TEX36: variants seen among roughly 807,000 people sequenced by gnomAD.
TEX36 encodes the protein testis expressed 36, also known as testis-expressed protein 36.
Under a neutral mutation model 13.6 loss-of-function variants are expected in TEX36, and 12 were observed. The observed-to-expected ratio is 0.88, with a 90% confidence interval of 0.56 to 1.43. The LOEUF is 1.43. TEX36 is among the 40% of genes most tolerant of loss of function. The probability of loss-of-function intolerance (pLI) is 0.00; values close to 1 mark genes in which losing one functional copy is unlikely to be tolerated. For missense variants in TEX36, 224 were observed against 228.3 expected (o/e 0.98, Z 0.12); for synonymous variants, 93 against 83.0 (o/e 1.12, Z -0.65).
intron 3 of TEX36, among the ~76,000 whole-genome samples, chr10:125,642,290 C>T (rs765503822): frequency 1.6e-4 from 24 of 152,180 alleles, no homozygotes; most frequent in Non-Finnish European, 2.5e-4. Context: ...AGCCATGTAA[C>T]CCGTGTGTCA....
chr10:125,593,267 AC>A (rs1846044505), intron 3 of TEX36, among the ~76,000 whole-genome samples: 1 of 152,246 alleles, frequency 6.6e-6, no homozygotes. Context: ...TGTGCCAGGA[AC>A]CAGGGGCAAA....
intron 3 of TEX36, among the ~76,000 whole-genome samples, chr10:125,595,531 A>T (rs908241353): frequency 6.6e-6 from 1 of 152,132 alleles, no homozygotes; most frequent in African/African-American, 2.4e-5. Flanking sequence ...CCTGCTCAGT[A>T]GCCCCTCCTG....
downstream of TEX36, chr10:125,621,584 T>A: frequency 2.2e-6 from 1 of 455,872 alleles, no homozygotes; most frequent in South Asian, 1.5e-5. Flanking sequence ...AAAATGGAGT[T>A]TTTTAGGGAG....
At chr10:125,614,880 C>T (rs912410795) in intron 3 of TEX36, among the ~76,000 whole-genome samples, 1 of 152,104 alleles carries the variant, frequency 6.6e-6, no homozygotes, top group Non-Finnish European at 1.5e-5. Context: ...GGCAGTATGG[C>T]CATTTTCACG....
downstream of TEX36, among the ~76,000 whole-genome samples, chr10:125,617,587 T>G (rs1161933903): frequency 6.6e-6 from 1 of 152,250 alleles, no homozygotes; most frequent in African/African-American, 2.4e-5. Context: ...TTGAAAATTC[T>G]TTTCTTTAAG....
intron 3 of TEX36, among the ~76,000 whole-genome samples, chr10:125,609,409 A>G (rs934390973): frequency 1.3e-5 from 2 of 152,152 alleles, no homozygotes; most frequent in Non-Finnish European, 2.9e-5. Context: ...GCACAGTTAA[A>G]CTATATTTCC....
chr10:125,647,158 CAT>C (rs904557995), intron 3 of TEX36, among the ~76,000 whole-genome samples: 18 of 152,152 alleles, frequency 1.2e-4, no homozygotes, highest in African/African-American at 4.1e-4. Context: ...TATAGAAAAA[CAT>C]AAAATTATCT....
At chr10:125,577,005 A>G (rs1010837155) in intron 3 of TEX36, 1 of 1,212,452 alleles carries the variant, frequency 8.2e-7, no homozygotes, top group East Asian at 2.6e-5. Context: ...AGAAGGATTT[A>G]GTGAGACTTA....
chr10:125,662,633 GC>G (rs1395288849), intron 1 of TEX36, among the ~76,000 whole-genome samples: 2 of 152,186 alleles, frequency 1.3e-5, no homozygotes, highest in Non-Finnish European at 2.9e-5. Context: ...CCCAACAAGG[GC>G]CTCTGTTGAC....
intron 3 of TEX36, among the ~76,000 whole-genome samples, chr10:125,594,588 A>T (rs545989181): frequency 6.6e-6 from 1 of 152,368 alleles, no homozygotes; most frequent in South Asian, 2.1e-4. Flanking sequence ...TCAAACCTAC[A>T]TTTTTAGAAA....
At chr10:125,583,943 C>A (rs1387470816) in intron 3 of TEX36, among the ~76,000 whole-genome samples, 4 of 152,192 alleles carry the variant, frequency 2.6e-5, no homozygotes, top group Non-Finnish European at 5.9e-5. Context: ...CTCCCCACCA[C>A]CCCCAAATCT....
intron 3 of TEX36, among the ~76,000 whole-genome samples, chr10:125,625,752 T>G (rs996125070): frequency 6.6e-6 from 1 of 152,258 alleles, no homozygotes; most frequent in African/African-American, 2.4e-5. Context: ...GGCGCAGCCC[T>G]GGACTCTTCA....
chr10:125,579,690 A>C (rs187374520), intron 3 of TEX36, among the ~76,000 whole-genome samples: 3 of 152,178 alleles, frequency 2.0e-5, no homozygotes, highest in Non-Finnish European at 4.4e-5. Context: ...TGCTTTTCTC[A>C]TGATAGTGAG....
chr10:125,682,049 C>T (rs1447021498), intron 1 of TEX36, among the ~76,000 whole-genome samples: 1 of 152,160 alleles, frequency 6.6e-6, no homozygotes, highest in African/African-American at 2.4e-5. Flanking sequence ...TAAAAGAAGT[C>T]GACGTCAGGT....
downstream of TEX36, among the ~76,000 whole-genome samples, chr10:125,618,994 G>A (rs1424522235): frequency 6.8e-6 from 1 of 148,060 alleles, no homozygotes; most frequent in African/African-American, 2.6e-5. Context: ...GCCCAGAGTG[G>A]TGTCGGGTGC....
intron 3 of TEX36, among the ~76,000 whole-genome samples, chr10:125,615,778 C>G (rs1262410083): frequency 6.6e-6 from 1 of 152,070 alleles, no homozygotes; most frequent in Non-Finnish European, 1.5e-5. Context: ...GCTTTGGTAT[C>G]AGGATGATGC....
chr10:125,622,255 A>C (rs1846436464), intron 3 of TEX36, among the ~76,000 whole-genome samples: 1 of 152,254 alleles, frequency 6.6e-6, no homozygotes, highest in African/African-American at 2.4e-5. Context: ...CCTAAATGCT[A>C]AGACAAACAA....
intron 1 of TEX36, among the ~76,000 whole-genome samples, 197 bp downstream of exon 1, chr10:125,682,742 T>C (rs1847416171): frequency 6.6e-6 from 1 of 152,248 alleles, no homozygotes; most frequent in Admixed American, 6.5e-5. Context: ...GCATTTTACA[T>C]GCATTATTTC....
intron 3 of TEX36, chr10:125,621,680 A>C: frequency 2.2e-6 from 1 of 455,986 alleles, no homozygotes; most frequent in Non-Finnish European, 4.4e-6. Flanking sequence ...AGCTCAGTTC[A>C]AGTCTGAAAG....
Sources: allele counts gnomAD v4.1 joint callset (sites outside exome capture counted in the v4.1 genomes callset), GRCh38; gene constraint gnomAD v4.1.1; transcripts MANE v1.5; gene names NCBI Gene and HGNC (gene_info 2026-07-23, HGNC 2026-07-21).